IL4I1: variants seen among roughly 807,000 people sequenced by gnomAD.
The protein encoded by IL4I1 is L-amino-acid oxidase.
IL4I1 carries 24 observed loss-of-function variants against 29.7 expected under a neutral mutation model. The ratio of observed to expected loss-of-function variants is 0.81; its 90% CI spans 0.59 to 1.14. The LOEUF is 1.14. Ranked by LOEUF, IL4I1 falls within the 50% of genes most tolerant of loss-of-function variation. IL4I1 has a pLI of 0.00. For synonymous variants in IL4I1, 371 were observed against 352.5 expected (o/e 1.05, Z -0.59); for missense variants, 686 against 785.6 (o/e 0.87, Z 1.52).
chr19:49,908,272 C>T, intron 2 of IL4I1: 1 of 1,613,844 alleles, frequency 6.2e-7, no homozygotes, highest in Non-Finnish European at 8.5e-7. Context: ...TGCGCTCCTG[C>T]TCCTTGCGCC....
rs2075175722 is a variant in IL4I1 at position 49,894,255 on chromosome 19, A to C, written c.567+13T>G. 6.2e-7 allele frequency: 1 copy of C among 1,610,818 alleles called. No individual in the cohort carries two copies. Among genetic ancestry groups the C allele is most frequent in the Admixed American group, 1.7e-5 (1 of 59,592 alleles). On this transcript the variant is annotated intron_variant, in intron 5 of 7. Transcript: ENST00000391826. Reference sequence around the variant, plus strand: ...AGAAGTCAGGGCGGGAGGAGGGTGCAGGCGGTACCCACCTGGTTGAGAGCC... The same window carrying C: ...AGAAGTCAGGGCGGGAGGAGGGTGCCGGCGGTACCCACCTGGTTGAGAGCC...
intron 2 of IL4I1, among the ~76,000 whole-genome samples, chr19:49,905,089 C>G (rs2075305159): frequency 6.6e-6 from 1 of 152,066 alleles, no homozygotes; most frequent in Non-Finnish European, 1.5e-5. Flanking sequence ...CTCAGGTGAT[C>G]CACCCGCCTC....
chr19:49,898,592 G>C (rs965414665), upstream of IL4I1, among the ~76,000 whole-genome samples: 10 of 152,168 alleles, frequency 6.6e-5, no homozygotes, highest in Admixed American at 1.3e-4. Flanking sequence ...TTGAGGCCAG[G>C]CACAGTGGCT....
intron 4 of IL4I1, 80 bp downstream of exon 4, chr19:49,894,988 T>C: frequency 9.4e-7 from 1 of 1,065,162 alleles, no homozygotes; most frequent in Non-Finnish European, 1.4e-6. Flanking sequence ...AGAGTGGAAG[T>C]TCGGGCCCAC....
At chr19:49,903,840 T>G (rs1172915343) in intron 3 of IL4I1, among the ~76,000 whole-genome samples, 1 of 141,120 alleles carries the variant, frequency 7.1e-6, no homozygotes, top group Non-Finnish European at 1.5e-5. Context: ...GTTTTTTTTT[T>G]TTTTTTTTTT....
At chr19:49,928,265 C>T (rs564210028) in intron 1 of IL4I1, 1 of 152,328 alleles carries the variant, frequency 6.6e-6, no homozygotes, top group African/African-American at 2.4e-5. Flanking sequence ...CGCCTGTAAT[C>T]CCAGCACTTT....
chr19:49,904,366 G>A (rs2075297146), intron 2 of IL4I1: 1 of 152,148 alleles, frequency 6.6e-6, no homozygotes, highest in Non-Finnish European at 1.5e-5. Context: ...CACCCGCGGT[G>A]GCACCCAGTC....
At chr19:49,928,140 C>T (rs1018401982) in intron 1 of IL4I1, 2 of 152,262 alleles carry the variant, frequency 1.3e-5, no homozygotes, top group Non-Finnish European at 2.9e-5. Context: ...AGAAGAATGA[C>T]AGCAGGTGTT....
At chr19:49,896,282 T>C in intron 1 of IL4I1, 100 bp from the exon 2 acceptor site, 1 of 1,366,740 alleles carries the variant, frequency 7.3e-7, no homozygotes, top group East Asian at 2.5e-5. Flanking sequence ...GAGCCGGCCC[T>C]CCCCCAGTCA....
In IL4I1 at chr19:49,909,081, C is replaced by T. The variant is rs374900649; in HGVS notation, c.-227-4760G>A. 3.7e-6 allele frequency: 6 copies of T among 1,612,700 alleles called. No homozygotes were observed. The highest frequency in any genetic ancestry group is 1.3e-5 in the African/African-American group (1 of 75,028). The stretch of plus-strand genomic sequence containing the variant: ...GCAGTGGGGGCGCCCGCTGTGGTCA[C>T]AGGGGTACAGAGGGAGAGTCCAGTG... On this transcript the variant is annotated intron_variant, in intron 2 of 9. Transcript: ENST00000341114.
In IL4I1 at chr19:49,921,194, G is replaced by A. The variant is rs2075757343; in HGVS notation, c.-228+6500C>T. Among the ~76,000 whole-genome samples the A allele has an allele frequency of 6.6e-6, 1 of 152,066 alleles. No homozygotes were observed. ...CAATGTGACGAAGCGAAACTATCAT[G>A]GCTCCCATTTATAAATGAGCAAACT... On this transcript the variant is annotated intron_variant, in intron 2 of 9. Transcript: ENST00000341114. The surrounding 1 kb of genome is among the most constrained non-coding windows in gnomAD (Gnocchi z 5.4).
At chr19:49,913,895 G>A (rs996143729) in intron 2 of IL4I1, among the ~76,000 whole-genome samples, 2 of 152,200 alleles carry the variant, frequency 1.3e-5, no homozygotes, top group African/African-American at 4.8e-5. Flanking sequence ...GGGTGTGGGG[G>A]ATGAACCGTA....
At position 49,909,128 on chromosome 19, in the gene IL4I1, G is replaced by C. The variant is rs1162086212; in HGVS notation, c.-227-4807C>G. On this transcript the variant is annotated intron_variant, in intron 2 of 9. Transcript: ENST00000341114. ...AGTGGTGGCAGATGAGGTTGGAGCAGTTGCTATTGACGCAAAGAGGCTGGG... is the reference window on the plus strand; with the variant it reads ...AGTGGTGGCAGATGAGGTTGGAGCACTTGCTATTGACGCAAAGAGGCTGGG... 2 of 1,612,510 alleles carry C rather than the reference G, an allele frequency of 1.2e-6. No individual in the cohort carries two copies. The highest frequency in any genetic ancestry group is 3.3e-5 in the Admixed American group (2 of 60,020).
Position 49,889,867 on chromosome 19 carries a change from T to C in IL4I1, c.1507A>G (p.Lys503Glu), listed in dbSNP as rs1001414811. 6 of 1,597,336 alleles carry C rather than the reference T, an allele frequency of 3.8e-6. No individual in the cohort carries two copies. Among genetic ancestry groups the C allele is most frequent in the Middle Eastern group, 3.3e-4 (2 of 5,984 alleles). ...GCAGGCCCCTTCCGGCTGTTGATCTTGATGGCGGCGCGCAGCGCCGACTTG... is the reference window on the plus strand; with the variant it reads ...GCAGGCCCCTTCCGGCTGTTGATCTCGATGGCGGCGCGCAGCGCCGACTTG... Reference protein sequence around the residue: ...AVKSALRAAIKINSRKGPASD... With the variant: ...AVKSALRAAIEINSRKGPASD... Residue 503 changes from lysine (K) to glutamate (E), a missense_variant, in exon 8 of 8, where the codon AAG becomes GAG. Coordinates refer to ENST00000391826, the MANE Select transcript of IL4I1 (RefSeq NM_152899.2).
chr19:49,890,192 C>T lies in IL4I1; in HGVS notation c.1182G>A (p.Leu394=), dbSNP rs1280440977. 6.5e-7 allele frequency: 1 copy of T among 1,544,302 alleles called. No homozygotes were observed. Among genetic ancestry groups the T allele is most frequent in the Non-Finnish European group, 8.7e-7 (1 of 1,143,102 alleles). The change falls in exon 8 of 8, where the codon CTG becomes CTA. Residue 394 remains leucine (L), a synonymous_variant. Transcript: ENST00000391826. ...FYPPPREGAL[L]LASYTWSDAA... Reference sequence around the variant, plus strand: ...CGTCCGACCACGTGTACGAGGCCAGCAGCAGCGCGCCCTCGCGCGGCGGCG... The same window carrying T: ...CGTCCGACCACGTGTACGAGGCCAGTAGCAGCGCGCCCTCGCGCGGCGGCG...
rs755193820 is a variant in IL4I1 at position 49,927,324 on chromosome 19, C to A, written c.-228+370G>T. 4.7e-4 allele frequency among the ~76,000 whole-genome samples: 71 copies of A among 152,192 alleles called. 1 individual carries two copies. Among genetic ancestry groups the A allele is most frequent in the Middle Eastern group, 3.4e-3 (1 of 294 alleles). On this transcript the variant is annotated intron_variant, in intron 2 of 9. Transcript: ENST00000341114. ...GCCAGGTATGTATAAAATTTGGCTTCCTGGGGCCACATTGAAGAATTGTCT... is the reference window on the plus strand; with the variant it reads ...GCCAGGTATGTATAAAATTTGGCTTACTGGGGCCACATTGAAGAATTGTCT...
At chr19:49,914,726 GTTT>G (rs530372497) in intron 2 of IL4I1, among the ~76,000 whole-genome samples, 25 of 56,392 alleles carry the variant, frequency 4.4e-4, no homozygotes, top group African/African-American at 1.4e-3. Context: ...CCAAGTCCCA[GTTT>G]TTTTTTTTTT....
rs535587754 is a variant in IL4I1, at chr19:49,909,143, A to G, written c.-227-4822T>C. The G allele has an allele frequency of 4.5e-5, 72 of 1,612,940 alleles. No individual in the cohort carries two copies. Among genetic ancestry groups the G allele is most frequent in the African/African-American group, 4.4e-4 (33 of 75,002 alleles). ...GGTTGGAGCAGTTGCTATTGACGCA[A>G]AGAGGCTGGGCCCAGTGCTGGTGAT... On this transcript the variant is annotated intron_variant, in intron 2 of 9. Transcript: ENST00000341114.
intron 2 of IL4I1, chr19:49,909,601 T>C (rs761944762): frequency 3.1e-6 from 5 of 1,613,878 alleles, no homozygotes; most frequent in South Asian, 2.2e-5. Flanking sequence ...CTGTCGTCTG[T>C]GTGGCCGGAG....
Sources: allele counts gnomAD v4.1 joint callset (sites outside exome capture counted in the v4.1 genomes callset), GRCh38; gene constraint gnomAD v4.1.1; non-coding constraint Gnocchi (gnomAD v3.1); transcripts MANE v1.5; gene names NCBI Gene and HGNC (gene_info 2026-07-23, HGNC 2026-07-21).